The following HABP2 variants were observed in gnomAD, a reference collection of about 807,000 sequenced individuals.
HABP2 encodes the protein hyaluronan binding protein 2, also known as factor VII-activating protease.
Under a neutral mutation model 66.5 loss-of-function variants are expected in HABP2, and 65 were observed. The ratio of observed to expected loss-of-function variants is 0.98; its 90% CI spans 0.80 to 1.20. The LOEUF is 1.20. Among genes scored for constraint, HABP2 ranks in the 50% most tolerant of loss-of-function variants. The pLI, the probability that HABP2 is intolerant of heterozygous loss-of-function variation, is 0.00. For synonymous variants in HABP2, 263 were observed against 253.9 expected, an observed-to-expected ratio of 1.04 and a Z score of -0.34; for missense variants, 786 against 691.0, an observed-to-expected ratio of 1.14 and a Z score of -1.54.
At chr10:113,588,119 C>T (rs1845691553) in intron 12 of HABP2, 86 bp from the exon 13 acceptor site, 1 of 1,182,508 alleles carries the variant, frequency 8.5e-7, no homozygotes, top group Non-Finnish European at 1.2e-6. Flanking sequence ...CACCCCATCC[C>T]TCCCTGACAC....
chr10:113,583,328 GAA>G lies in HABP2; in HGVS notation c.1209_1210del (p.Asp405Ter), dbSNP rs1428265834. The G allele has an allele frequency of 6.2e-6, 10 of 1,612,824 alleles. No individual in the cohort carries two copies. Among genetic ancestry groups the G allele is most frequent in the African/African-American group, 1.3e-5 (1 of 74,896 alleles). On this transcript the variant is annotated frameshift_variant, in exon 10 of 13. Transcript: ENST00000351270. LOFTEE classifies it high-confidence loss of function. ...GATATTCAAGTACAGCCACTACAAT[GAA>G]AGAGATGAGATTCCCCACAATGATA... ...EKIFKYSHYN[E>X]RDEIPHNDIA...
intron 12 of HABP2, among the ~76,000 whole-genome samples, chr10:113,587,553 A>G (rs1592704359): frequency 1.3e-5 from 2 of 152,170 alleles, no homozygotes; most frequent in East Asian, 1.9e-4. Context: ...TAGAGAATTC[A>G]TTTTTTAAAA....
At chr10:113,556,390 T>C (rs1844991770) in intron 1 of HABP2, among the ~76,000 whole-genome samples, 1 of 152,078 alleles carries the variant, frequency 6.6e-6, no homozygotes, top group Non-Finnish European at 1.5e-5. Flanking sequence ...GCTGGCACCA[T>C]GGAGAGGGGT....
At chr10:113,583,187 C>G (rs1845571854) in intron 9 of HABP2, 29 bp from the exon 10 acceptor site, 1 of 1,610,396 alleles carries the variant, frequency 6.2e-7, no homozygotes, top group African/African-American at 1.3e-5. Context: ...GAAACAGTGC[C>G]TTCCTGACCA....
Position 113,585,857 on chromosome 10 carries a change from C to A in HABP2, c.1437C>A (p.Ser479=), listed in dbSNP as rs1301803250. 9.3e-6 allele frequency: 15 copies of A among 1,613,418 alleles called. No individual in the cohort carries two copies. Among genetic ancestry groups the A allele is most frequent in the Non-Finnish European group, 1.3e-5 (15 of 1,179,428 alleles). The change falls in exon 12 of 13, where the codon TCC becomes TCA. Residue 479 remains serine, a synonymous_variant. Transcript: ENST00000351270. Reference sequence around the variant, plus strand: ...TGATTGCCAACACTTTGTGCAACTCCCGCCAACTCTATGACCACATGATTG... The same window carrying A: ...TGATTGCCAACACTTTGTGCAACTCACGCCAACTCTATGACCACATGATTG... ...VKLIANTLCN[S]RQLYDHMIDD...
At position 113,574,354 on chromosome 10, in the gene HABP2, A is replaced by G; in HGVS notation, c.172A>G (p.Thr58Ala). ...DYNQEENTSSTLTHAENPDWY... is the reference protein window; with the variant it reads ...DYNQEENTSSALTHAENPDWY... ...TAATCAGGAAGAGAACACCAGTAGCACACTTACCCACGCTGAGAATCCTGA... is the reference window on the plus strand; with the variant it reads ...TAATCAGGAAGAGAACACCAGTAGCGCACTTACCCACGCTGAGAATCCTGA... Residue 58 changes from threonine to alanine, a missense_variant, in exon 3 of 13, where the codon ACA (threonine) becomes GCA (alanine). Coordinates refer to ENST00000351270, the MANE Select transcript of HABP2 (RefSeq NM_004132.5). 1 of 1,608,206 alleles carries G rather than the reference A, an allele frequency of 6.2e-7. No individual in the cohort carries two copies. Among genetic ancestry groups the G allele is most frequent in the South Asian group, 1.1e-5 (1 of 90,956 alleles).
In HABP2 at chr10:113,578,679, T is replaced by G. The variant is rs1845461086; in HGVS notation, c.621T>G (p.Asn207Lys). Residue 207 changes from asparagine to lysine, a missense_variant, in exon 7 of 13, where the codon AAT (asparagine) becomes AAG (lysine). Transcript: ENST00000351270. ...GCTACTCTTACCGAGGGAAAATGAA[T>G]AGGACAGTCAACCAGCATGCGTGCC... Reference protein sequence around the residue: ...GDGYSYRGKMNRTVNQHACLY... With the variant: ...GDGYSYRGKMKRTVNQHACLY... 1.9e-6 allele frequency: 3 copies of G among 1,611,980 alleles called. No homozygotes were observed. The highest frequency in any genetic ancestry group is 8.5e-7 in the Non-Finnish European group (1 of 1,178,202).
chr10:113,581,208 C>A (rs1048781759), intron 8 of HABP2, among the ~76,000 whole-genome samples: 1 of 152,206 alleles, frequency 6.6e-6, no homozygotes, highest in Non-Finnish European at 1.5e-5. Context: ...TTACTTCTGT[C>A]TATAACATAC....
rs1565104588 is a variant in HABP2 at position 113,578,147 on chromosome 10, T to A, written c.568+2T>A. 2 of 1,614,044 alleles carry A rather than the reference T, an allele frequency of 1.2e-6. No homozygotes were observed. The highest frequency in any genetic ancestry group is 1.7e-6 in the Non-Finnish European group (2 of 1,179,938). On this transcript the variant is annotated splice_donor_variant, in intron 6 of 12. Transcript: ENST00000351270. LOFTEE classifies it high-confidence loss of function. ...TCAAGGGGAAATTCTGTGAAATAGG[T>A]ATGGGTCTCTGCCACCATCAGGGCC...
chr10:113,589,291 T>G lies in HABP2; in HGVS notation c.*922T>G. 1.7e-6 allele frequency: 1 copy of G among 585,818 alleles called. No homozygotes were observed. Among genetic ancestry groups the G allele is most frequent in the Non-Finnish European group, 3.0e-6 (1 of 331,770 alleles). The allele number at this position is 585,818 out of a possible 1,614,324, so 36.3% of individuals were successfully genotyped here. A position where few individuals can be genotyped will look rare whatever the true frequency, so the allele number is the denominator to read the frequency against. The stretch of plus-strand genomic sequence containing the variant: ...AATCTCTCATTTAGACCTGGCTTCT[T>G]TCTTCTGAACAAAGTAGGGTTCAAA... On this transcript the variant is annotated 3_prime_UTR_variant, in exon 13 of 13. Transcript: ENST00000351270.
rs374519586 is a variant in HABP2, at chr10:113,589,119, C to G, written c.*750C>G. 1.3e-6 allele frequency: 2 copies of G among 1,541,832 alleles called. No homozygotes were observed. Among genetic ancestry groups the G allele is most frequent in the African/African-American group, 2.7e-5 (2 of 73,394 alleles). ...CATACCCCAAGTTAAAATGAAGCTCCCCCACCCCCACTCCCGGCCCCGGTT... is the reference window on the plus strand; with the variant it reads ...CATACCCCAAGTTAAAATGAAGCTCGCCCACCCCCACTCCCGGCCCCGGTT... On this transcript the variant is annotated 3_prime_UTR_variant, in exon 13 of 13. Coordinates refer to ENST00000351270, the MANE Select transcript of HABP2 (RefSeq NM_004132.5).
intron 5 of HABP2, among the ~76,000 whole-genome samples, chr10:113,577,714 C>T (rs544026724): frequency 2.0e-5 from 3 of 152,334 alleles, no homozygotes; most frequent in Non-Finnish European, 4.4e-5. Flanking sequence ...GCAGGCAGAG[C>T]TCTACCTAGC....
At position 113,588,528 on chromosome 10, in the gene HABP2, A is replaced by T; in HGVS notation, c.*159A>T. On this transcript the variant is annotated 3_prime_UTR_variant, in exon 13 of 13. Coordinates refer to ENST00000351270, the MANE Select transcript of HABP2 (RefSeq NM_004132.5). Reference sequence around the variant, plus strand: ...ACTGCCACCCAGCCTGGGCCTTCCCAGACCAGCATTTGCACAATATCACCA... The same window carrying T: ...ACTGCCACCCAGCCTGGGCCTTCCCTGACCAGCATTTGCACAATATCACCA... The T allele has an allele frequency of 7.0e-6, 4 of 575,220 alleles. No individual in the cohort carries two copies. The highest frequency in any genetic ancestry group is 6.1e-6 in the Non-Finnish European group (2 of 330,332). 35.6% of individuals were successfully genotyped at this position (575,220 alleles called of 1,614,324 possible).
intron 1 of HABP2, among the ~76,000 whole-genome samples, chr10:113,559,894 T>C (rs527981230): frequency 6.6e-6 from 1 of 152,302 alleles, no homozygotes; most frequent in African/African-American, 2.4e-5. Context: ...GAGCCAGGCA[T>C]AGGTGATCGG....
intron 1 of HABP2, among the ~76,000 whole-genome samples, chr10:113,560,993 A>G (rs1845090208): frequency 1.3e-5 from 2 of 152,366 alleles, no homozygotes; most frequent in South Asian, 2.1e-4. Context: ...TGAAAGGTAC[A>G]CTTACAAATG....
At chr10:113,579,417 C>A (rs1040614983) in intron 7 of HABP2, among the ~76,000 whole-genome samples, 1 of 152,176 alleles carries the variant, frequency 6.6e-6, no homozygotes, top group African/African-American at 2.4e-5. Context: ...TCTACCTCAA[C>A]CTAGAAGGGA....
intron 1 of HABP2, among the ~76,000 whole-genome samples, chr10:113,564,162 CA>C (rs1845152894): frequency 6.6e-6 from 1 of 152,266 alleles, no homozygotes; most frequent in Middle Eastern, 3.4e-3. Context: ...ACAGTGTATG[CA>C]GGGGAACTGC....
chr10:113,583,939 T>C (rs577871270), intron 10 of HABP2, among the ~76,000 whole-genome samples: 3 of 152,356 alleles, frequency 2.0e-5, no homozygotes, highest in African/African-American at 7.2e-5. Flanking sequence ...TCAAAGTCAA[T>C]TGTCATTTCT....
chr10:113,580,842 C>T (rs978919509), intron 8 of HABP2, 150 bp downstream of exon 8: 34 of 588,386 alleles, frequency 5.8e-5, no homozygotes, highest in Non-Finnish European at 9.7e-5. Flanking sequence ...AACTGCCCAA[C>T]TGTCTGCACC....
Sources: allele counts gnomAD v4.1 joint callset (sites outside exome capture counted in the v4.1 genomes callset), GRCh38; gene constraint gnomAD v4.1.1; transcripts MANE v1.5; gene names NCBI Gene and HGNC (gene_info 2026-07-23, HGNC 2026-07-21).